Variants in MMRN1 observed in about 807,000 individuals in gnomAD.
MMRN1 encodes multimerin-1.
In MMRN1, 94 loss-of-function variants were observed where a neutral mutation model predicts 100.7. The ratio of observed to expected loss-of-function variants is 0.93; its 90% CI spans 0.79 to 1.11. The LOEUF is 1.11. MMRN1 is among the 50% of genes least tolerant of loss of function. The probability of loss-of-function intolerance (pLI) is 0.00; values close to 1 mark genes in which losing one functional copy is unlikely to be tolerated. For synonymous variants in MMRN1, 575 were observed against 505.0 expected, an observed-to-expected ratio of 1.14 and a Z score of -1.86; for missense variants, 1,606 against 1,439.1, an observed-to-expected ratio of 1.12 and a Z score of -1.88.
intron 1 of MMRN1, 44 bp downstream of exon 1, chr4:89,895,638 G>A: frequency 6.5e-7 from 1 of 1,530,262 alleles, no homozygotes; most frequent in Non-Finnish European, 8.8e-7. Context: ...TGTCTATCAG[G>A]TCTAGAAGAT....
At chr4:89,914,072 C>T (rs1721838236) in intron 3 of MMRN1, among the ~76,000 whole-genome samples, 1 of 151,246 alleles carries the variant, frequency 6.6e-6, no homozygotes, top group Non-Finnish European at 1.5e-5. Flanking sequence ...TTAGGAACTA[C>T]TGTGTCCTTT....
chr4:89,902,187 GA>G (rs1721412726), intron 1 of MMRN1: 1 of 140,148 alleles, frequency 7.1e-6, no homozygotes, highest in Admixed American at 7.2e-5. Flanking sequence ...GGGGTAGGGG[GA>G]GGGGGGAGGG....
At chr4:89,922,854 C>T (rs1722133728) in intron 3 of MMRN1, among the ~76,000 whole-genome samples, 1 of 152,072 alleles carries the variant, frequency 6.6e-6, no homozygotes. Flanking sequence ...TTTAAAAATC[C>T]CCTCAATTAT....
At chr4:89,902,535 G>T (rs1721426003) in intron 1 of MMRN1, among the ~76,000 whole-genome samples, 1 of 151,874 alleles carries the variant, frequency 6.6e-6, no homozygotes, top group African/African-American at 2.4e-5. Context: ...TACATCCTGT[G>T]ATGGCCATAC....
chr4:89,928,861 T>C (rs1026661684), intron 5 of MMRN1, among the ~76,000 whole-genome samples: 1 of 152,136 alleles, frequency 6.6e-6, no homozygotes, highest in Admixed American at 6.6e-5. Context: ...CCATGTAAGG[T>C]ACATATTCAT....
At chr4:89,924,744 T>C (rs907664874) in intron 4 of MMRN1, among the ~76,000 whole-genome samples, 3 of 152,082 alleles carry the variant, frequency 2.0e-5, no homozygotes, top group Admixed American at 1.3e-4. Context: ...CTTGGGAGGC[T>C]GAGGCAGGAG....
chr4:89,896,972 T>TA (rs1028765936), intron 1 of MMRN1, among the ~76,000 whole-genome samples: 1 of 152,116 alleles, frequency 6.6e-6, no homozygotes, highest in Non-Finnish European at 1.5e-5. Context: ...GATTTGCCAT[T>TA]AAAAAAACAT....
chr4:89,913,001 T>A (rs1192620525), intron 3 of MMRN1, among the ~76,000 whole-genome samples: 2 of 151,254 alleles, frequency 1.3e-5, no homozygotes, highest in African/African-American at 4.8e-5. Flanking sequence ...ATATTCAGAC[T>A]ACAGAATGAA....
chr4:89,900,360 A>T (rs1329454402), intron 1 of MMRN1, among the ~76,000 whole-genome samples: 3 of 152,080 alleles, frequency 2.0e-5, no homozygotes, highest in Non-Finnish European at 4.4e-5. Flanking sequence ...CTCAAAGGAA[A>T]CTTTTTTTGC....
chr4:89,932,391 T>G (rs1722469370), intron 5 of MMRN1, among the ~76,000 whole-genome samples: 1 of 152,136 alleles, frequency 6.6e-6, no homozygotes, highest in Admixed American at 6.5e-5. Flanking sequence ...TGTCAGTGAA[T>G]CTACCATTCT....
intron 1 of MMRN1, among the ~76,000 whole-genome samples, chr4:89,896,197 CG>C (rs1721201948): frequency 6.6e-6 from 1 of 152,050 alleles, no homozygotes; most frequent in Non-Finnish European, 1.5e-5. Flanking sequence ...GCAGGGTTCT[CG>C]TTCAGATAAA....
chr4:89,885,233 T>TAACA (rs1720910440), intron 1 of MMRN1, among the ~76,000 whole-genome samples: 1 of 151,220 alleles, frequency 6.6e-6, no homozygotes, highest in South Asian at 2.1e-4. Flanking sequence ...ATATGGTGAA[T>TAACA]AACATTGCCT....
At chr4:89,939,265 T>C (rs1354586871) in intron 6 of MMRN1, among the ~76,000 whole-genome samples, 1 of 152,112 alleles carries the variant, frequency 6.6e-6, no homozygotes, top group Admixed American at 6.6e-5. Flanking sequence ...AGCCAGAAGA[T>C]AATTTATCAT....
intron 6 of MMRN1, among the ~76,000 whole-genome samples, chr4:89,939,294 G>A (rs527677324): frequency 2.8e-4 from 42 of 152,052 alleles, no homozygotes; most frequent in African/African-American, 9.9e-4. Flanking sequence ...GAATCTCAGA[G>A]TCATATTATT....
chr4:89,936,848 A>G, intron 6 of MMRN1, 50 bp downstream of exon 6: 1 of 1,483,982 alleles, frequency 6.7e-7, no homozygotes, highest in Non-Finnish European at 9.0e-7. Context: ...TACTTAAATG[A>G]TATTTAATAG....
Position 89,895,305 on chromosome 4 carries a change from T to TTA in MMRN1, c.335_336dup (p.Gln113TyrfsTer28). 2 of 1,613,350 alleles carry TTA rather than the reference T, an allele frequency of 1.2e-6. No homozygotes were observed. Among genetic ancestry groups the TTA allele is most frequent in the Non-Finnish European group, 1.7e-6 (2 of 1,179,902 alleles). On this transcript the variant is annotated frameshift_variant, in exon 1 of 8. Transcript: ENST00000264790. LOFTEE classifies it high-confidence loss of function. ...AGAGAAAGCAGAAGGAGTGGTCAAGTTACAGAATCTTACCCTCCCAACCAA... is the reference window on the plus strand; with the variant it reads ...AGAGAAAGCAGAAGGAGTGGTCAAGTTATACAGAATCTTACCCTCCCAACCAA...
chr4:89,953,808 A>G lies in MMRN1; in HGVS notation c.*390A>G, dbSNP rs1289010416. On this transcript the variant is annotated 3_prime_UTR_variant, in exon 8 of 8. Coordinates refer to ENST00000264790, the MANE Select transcript of MMRN1 (RefSeq NM_007351.3). ...TTTGTTATTCCCTGTATATAAATAT[A>G]TAACACACATTTTCTAGATTCACAA... 1 of 154,592 alleles carries G rather than the reference A, an allele frequency of 6.5e-6. No individual in the cohort carries two copies. Among genetic ancestry groups the G allele is most frequent in the Non-Finnish European group, 1.4e-5 (1 of 69,746 alleles). The allele number at this position is 154,592 out of a possible 1,614,324, so 9.6% of individuals were successfully genotyped here.
At chr4:89,888,614 CTG>C (rs971954476) in intron 1 of MMRN1, among the ~76,000 whole-genome samples, 1 of 152,086 alleles carries the variant, frequency 6.6e-6, no homozygotes, top group Non-Finnish European at 1.5e-5. Flanking sequence ...GATCTCGACA[CTG>C]TGTATTTCGT....
intron 5 of MMRN1, among the ~76,000 whole-genome samples, chr4:89,933,718 C>T (rs1268073742): frequency 1.3e-5 from 2 of 152,126 alleles, no homozygotes; most frequent in African/African-American, 2.4e-5. Flanking sequence ...AAAAAACCCA[C>T]CCCCGTGATT....
Sources: allele counts gnomAD v4.1 joint callset (sites outside exome capture counted in the v4.1 genomes callset), GRCh38; gene constraint gnomAD v4.1.1; transcripts MANE v1.5; gene names NCBI Gene and HGNC (gene_info 2026-07-23, HGNC 2026-07-21).